The following VRK3 variants were observed in gnomAD, a reference collection of about 807,000 sequenced individuals.
VRK3 encodes serine/threonine-protein kinase VRK3.
In VRK3, 50 loss-of-function variants were observed where a neutral mutation model predicts 60.4. That is an observed-to-expected ratio of 0.83 (90% CI 0.66 to 1.05). The LOEUF is 1.05. Ranked by LOEUF, VRK3 falls within the 50% of genes least tolerant of loss-of-function variation. VRK3 has a pLI of 0.00. For synonymous variants in VRK3, 246 were observed against 227.8 expected, an observed-to-expected ratio of 1.08 and a Z score of -0.72; for missense variants, 549 against 585.3, an observed-to-expected ratio of 0.94 and a Z score of 0.64.
At chr19:50,001,720 T>G (rs2076810440) in intron 5 of VRK3, among the ~76,000 whole-genome samples, 1 of 152,128 alleles carries the variant, frequency 6.6e-6, no homozygotes, top group Non-Finnish European at 1.5e-5. Flanking sequence ...TGGTCCCATC[T>G]GACAGATGAG....
At chr19:50,000,550 C>G in intron 6 of VRK3, 1 of 563,284 alleles carries the variant, frequency 1.8e-6, no homozygotes, top group Non-Finnish European at 3.2e-6. Flanking sequence ...TGGGCTTGCC[C>G]AGGTCACACA....
At chr19:49,978,364 C>A (rs142853393) in intron 14 of VRK3, among the ~76,000 whole-genome samples, 1 of 152,304 alleles carries the variant, frequency 6.6e-6, no homozygotes, top group African/African-American at 2.4e-5. Context: ...ATCTCTGCAC[C>A]CTTGCCAAAA....
intron 5 of VRK3, among the ~76,000 whole-genome samples, chr19:50,002,129 C>T (rs909858622): frequency 6.6e-6 from 1 of 152,118 alleles, no homozygotes; most frequent in Admixed American, 6.5e-5. Context: ...TCTTGTCGCC[C>T]GCACACCTGA....
At chr19:49,989,486 G>A (rs747840120) in intron 11 of VRK3, among the ~76,000 whole-genome samples, 153 bp downstream of exon 11, 1 of 152,180 alleles carries the variant, frequency 6.6e-6, no homozygotes, top group African/African-American at 2.4e-5. Context: ...CCTCCCTTGC[G>A]GTCGGGACGC....
chr19:49,993,927 T>C (rs1211017408), intron 9 of VRK3, among the ~76,000 whole-genome samples: 1 of 152,024 alleles, frequency 6.6e-6, no homozygotes. Context: ...CCTGAGGGCC[T>C]TTCTGTACCC....
rs781367153 is a variant in VRK3 at position 49,994,960 on chromosome 19, G to A, written c.765-41C>T. ...ACCCCAGGAGGTGGGAGATGAACAG[G>A]GGAGAGAGGAGTACCGGCCGCCAAG... On this transcript the variant is annotated intron_variant, in intron 8 of 14. Coordinates refer to ENST00000316763, the MANE Select transcript of VRK3 (RefSeq NM_016440.4). 4 of 1,586,898 alleles carry A rather than the reference G, an allele frequency of 2.5e-6. No individual in the cohort carries two copies. In the Admixed American group the frequency reaches 5.1e-5, roughly 20 times the overall value.
In VRK3 at chr19:49,976,987, G is replaced by A. The variant is rs576124035; in HGVS notation, c.*12-203C>T. ...GGTGGAGACTACACACTAAACACACGCTTCCCTCCAGATGGGAACAAGGGC... is the reference window on the plus strand; with the variant it reads ...GGTGGAGACTACACACTAAACACACACTTCCCTCCAGATGGGAACAAGGGC... On this transcript the variant is annotated intron_variant, in intron 14 of 14. Coordinates refer to ENST00000316763, the MANE Select transcript of VRK3 (RefSeq NM_016440.4). 5.3e-5 allele frequency among the ~76,000 whole-genome samples: 8 copies of A among 152,280 alleles called. No homozygotes were observed. In the South Asian group the frequency reaches 1.0e-3, roughly 20 times the overall value.
At chr19:50,016,531 A>G (rs2077082075) in intron 2 of VRK3, among the ~76,000 whole-genome samples, 1 of 152,136 alleles carries the variant, frequency 6.6e-6, no homozygotes, top group Non-Finnish European at 1.5e-5. Context: ...CTCCCAACTG[A>G]CATAGCAAGA....
At chr19:50,002,181 A>C in intron 5 of VRK3, among the ~76,000 whole-genome samples, 2 of 150,352 alleles carry the variant, frequency 1.3e-5, no homozygotes, top group South Asian at 2.1e-4. Context: ...CATCGTTCCC[A>C]CTCTCCCTTC....
chr19:49,987,533 C>G (rs1004538165), intron 12 of VRK3, among the ~76,000 whole-genome samples: 1 of 152,190 alleles, frequency 6.6e-6, no homozygotes, highest in African/African-American at 2.4e-5. Context: ...ATGTTTAAAC[C>G]AGCACTGGTA....
At position 49,979,216 on chromosome 19, in the gene VRK3, C is replaced by A; in HGVS notation, c.1303G>T (p.Val435Leu). 2.5e-6 allele frequency: 4 copies of A among 1,614,092 alleles called. No homozygotes were observed. Among genetic ancestry groups the A allele is most frequent in the East Asian group, 2.2e-5 (1 of 44,864 alleles). Residue 435 changes from valine to leucine, a missense_variant, in exon 14 of 15, where the codon GTG (valine) becomes TTG (leucine). Transcript: ENST00000316763. ...SETLQKYLKVVMALTYEEKPP... is the reference protein window; with the variant it reads ...SETLQKYLKVLMALTYEEKPP... ...TTCTCCTCATACGTGAGGGCCATCA[C>A]CACCTTCAGGTACTTCTGCAGGGTC...
chr19:50,012,882 C>T (rs1233713318), intron 3 of VRK3, among the ~76,000 whole-genome samples: 1 of 147,944 alleles, frequency 6.8e-6, no homozygotes, highest in Non-Finnish European at 1.5e-5. Flanking sequence ...CTTAAAAAAA[C>T]AAAGGCCGGG....
Position 49,976,517 on chromosome 19 carries a change from G to A in VRK3, c.*279C>T, listed in dbSNP as rs2076333860. On this transcript the variant is annotated 3_prime_UTR_variant, in exon 15 of 15. Transcript: ENST00000316763. ...AGCACAGAGGTGTCAAGGGTAGGAG[G>A]GGTCCCCCCTGTGGGCCGGCCCAAC... 6.6e-6 allele frequency: 1 copy of A among 152,642 alleles called. No homozygotes were observed. Among genetic ancestry groups the A allele is most frequent in the Non-Finnish European group, 1.5e-5 (1 of 68,044 alleles). The allele number at this position is 152,642 out of a possible 1,614,324, so 9.5% of individuals were successfully genotyped here. A position where few individuals can be genotyped will look rare whatever the true frequency, so the allele number is the denominator to read the frequency against.
chr19:50,023,786 A>G (rs11880872), intron 1 of VRK3, among the ~76,000 whole-genome samples: 7,979 of 152,182 alleles, frequency 0.052, 690 homozygotes, highest in African/African-American at 0.18. Flanking sequence ...TCTCAGGCAA[A>G]TCTAGACATC....
chr19:49,998,548 T>C (rs1600685700), intron 6 of VRK3: 1 of 151,520 alleles, frequency 6.6e-6, no homozygotes, highest in South Asian at 2.1e-4. Flanking sequence ...CTTAAGAGTA[T>C]AGAGTCAAAC....
intron 12 of VRK3, chr19:49,988,122 ACT>A: frequency 2.7e-6 from 1 of 370,668 alleles, no homozygotes; most frequent in Non-Finnish European, 5.0e-6. Context: ...GGAGCAGGAC[ACT>A]GAGGCTCGCA....
chr19:49,994,852 G>C lies in VRK3; in HGVS notation c.832C>G (p.Leu278Val). 2 of 1,614,164 alleles carry C rather than the reference G, an allele frequency of 1.2e-6. No individual in the cohort carries two copies. The highest frequency in any genetic ancestry group is 1.7e-6 in the Non-Finnish European group (2 of 1,180,020). The part of the protein sequence containing the change: ...SALDVSPKHV[L>V]SERSVLQVAC... ...ACCTGCAGCACAGACCTCTCTGACA[G>C]CACATGCTTTGGGCTGACATCCAGG... Residue 278 changes from leucine to valine, a missense_variant, in exon 9 of 15, where the codon CTG (leucine) becomes GTG (valine). Coordinates refer to ENST00000316763, the MANE Select transcript of VRK3 (RefSeq NM_016440.4).
Position 49,995,131 on chromosome 19 carries a change from G to A in VRK3, c.764+60C>T, listed in dbSNP as rs9304697. ...CTTCGGGGTCCCAGCCATGCCTGGA[G>A]TCACAACAGGAAGAAGAGGAAAGAG... On this transcript the variant is annotated intron_variant, in intron 8 of 14. Coordinates refer to ENST00000316763, the MANE Select transcript of VRK3 (RefSeq NM_016440.4). 15,691 of 1,566,334 alleles carry A rather than the reference G, an allele frequency of 0.01. 1,354 individuals carry two copies. In the African/African-American group the frequency reaches 0.19, roughly 18 times the overall value.
intron 1 of VRK3, among the ~76,000 whole-genome samples, chr19:50,024,206 G>C (rs570353570): frequency 6.6e-6 from 1 of 152,310 alleles, no homozygotes; most frequent in East Asian, 1.9e-4. Context: ...CTAAAGTGCT[G>C]GGACTACAGG....
Sources: gnomAD v4.1 joint callset for allele counts (sites outside exome capture counted in the v4.1 genomes callset) on GRCh38, gnomAD v4.1.1 for gene constraint, MANE v1.5 for transcripts, NCBI Gene and HGNC (gene_info 2026-07-23, HGNC 2026-07-21) for gene names.